PCDH11X: variants seen among roughly 807,000 people sequenced by gnomAD.
The protein encoded by PCDH11X is protocadherin 11 X-linked.
Under a neutral mutation model 53.3 loss-of-function variants are expected in PCDH11X, and 18 were observed. That is an observed-to-expected ratio of 0.34 (90% confidence interval 0.23 to 0.50). The LOEUF is 0.50. Among genes scored for constraint, PCDH11X ranks in the 20% least tolerant of loss-of-function variants. PCDH11X has a pLI of 0.98. For missense variants in PCDH11X, 570 were observed against 1,032.4 expected, an observed-to-expected ratio of 0.55 and a Z score of 6.14; for synonymous variants, 279 against 393.3, an observed-to-expected ratio of 0.71 and a Z score of 3.44.
chrX:92,000,467 T>C (rs2062490949), intron 6 of PCDH11X, among the ~76,000 whole-genome samples: 1 of 107,693 alleles, frequency 9.3e-6, no homozygotes, highest in South Asian at 4.2e-4. Context: ...TGAGTGTATA[T>C]ATCTATGGGG....
At chrX:92,034,296 T>A (rs1475986003) in intron 6 of PCDH11X, among the ~76,000 whole-genome samples, 1 of 111,331 alleles carries the variant, frequency 9.0e-6, no homozygotes, top group African/African-American at 3.3e-5. Context: ...AGTCAGATGT[T>A]TAATTTGCTG....
chrX:91,993,528 T>C (rs1391986727), intron 6 of PCDH11X, among the ~76,000 whole-genome samples: 1 of 111,888 alleles, frequency 8.9e-6, no homozygotes, highest in Non-Finnish European at 1.9e-5. Context: ...TCAATGAATA[T>C]TGTACATATT....
At chrX:92,516,360 C>G (rs1320209086) in intron 10 of PCDH11X, among the ~76,000 whole-genome samples, 1 of 112,275 alleles carries the variant, frequency 8.9e-6, no homozygotes, top group African/African-American at 3.2e-5. Context: ...GTGAAATGTA[C>G]TGGTGAACCC....
At chrX:92,064,910 GA>G (rs1406912818) in intron 6 of PCDH11X, among the ~76,000 whole-genome samples, 3 of 102,602 alleles carry the variant, frequency 2.9e-5, no homozygotes, top group Non-Finnish European at 5.8e-5. Flanking sequence ...GCTTTCAGAG[GA>G]AAGCATGGCC....
intron 10 of PCDH11X, among the ~76,000 whole-genome samples, chrX:92,552,610 C>T (rs1475985475): frequency 9.2e-6 from 1 of 109,227 alleles, no homozygotes; most frequent in African/African-American, 3.3e-5. Flanking sequence ...TTTCAAGTTT[C>T]AGGTGTTAGA....
chrX:92,612,330 C>T (rs1281363928), intron 10 of PCDH11X, among the ~76,000 whole-genome samples: 7 of 108,398 alleles, frequency 6.5e-5, no homozygotes, highest in Admixed American at 9.9e-5. Flanking sequence ...CAATCTTGGG[C>T]GATTGTGTGC....
chrX:92,340,357 T>C, intron 8 of PCDH11X, among the ~76,000 whole-genome samples: 1 of 111,910 alleles, frequency 8.9e-6, no homozygotes, highest in Non-Finnish European at 1.9e-5. Context: ...CAGTAGGGAC[T>C]CTGTGGGGGC....
At chrX:91,927,756 G>A (rs1465158709) in intron 6 of PCDH11X, among the ~76,000 whole-genome samples, 1 of 111,315 alleles carries the variant, frequency 9.0e-6, no homozygotes, top group Non-Finnish European at 1.9e-5. Context: ...AGAAGGCAAT[G>A]GCAGATAGGG....
In PCDH11X at chrX:92,555,893, G is replaced by GAGGTATAAT. The variant is rs997444306; in HGVS notation, c.3368-62370_3368-62362dup. On this transcript the variant is annotated intron_variant, in intron 10 of 10. Coordinates refer to ENST00000682573, the MANE Select transcript of PCDH11X (RefSeq NM_032968.5). ...AAAACTGGGTAATTTGTAAAGGTAAGAGGTATAATTGACTCACAATTTCAC... is the reference window on the plus strand; with the variant it reads ...AAAACTGGGTAATTTGTAAAGGTAAGAGGTATAATAGGTATAATTGACTCACAATTTCAC... Among the ~76,000 whole-genome samples, 5 of 111,700 alleles carry GAGGTATAAT rather than the reference G, an allele frequency of 4.5e-5. No homozygotes were observed. In the East Asian group the frequency reaches 8.5e-4, roughly 19 times the overall value.
intron 6 of PCDH11X, among the ~76,000 whole-genome samples, chrX:92,024,802 T>C (rs1196723969): frequency 3.0e-5 from 3 of 100,785 alleles, no homozygotes; most frequent in Admixed American, 2.2e-4. Context: ...AAGGCTACAA[T>C]AAGCAAAACT....
At chrX:92,578,192 A>T (rs1217032923) in intron 10 of PCDH11X, among the ~76,000 whole-genome samples, 1 of 94,318 alleles carries the variant, frequency 1.1e-5, no homozygotes, top group African/African-American at 4.1e-5. Context: ...GGGGAACATC[A>T]CACACTGAGG....
chrX:92,258,101 G>A (rs1313332442), intron 7 of PCDH11X, among the ~76,000 whole-genome samples: 2 of 111,519 alleles, frequency 1.8e-5, no homozygotes, highest in African/African-American at 6.5e-5. Flanking sequence ...AAACCATGAA[G>A]GTTTATGTCT....
At chrX:92,481,236 G>A (rs1001432435) in intron 10 of PCDH11X, among the ~76,000 whole-genome samples, 33 of 109,010 alleles carry the variant, frequency 3.0e-4, no homozygotes, top group Admixed American at 2.6e-3. Flanking sequence ...ACAGTGGGGA[G>A]AGAGGAGGTG....
At chrX:92,228,543 C>A (rs1352757856) in intron 7 of PCDH11X, among the ~76,000 whole-genome samples, 1 of 111,354 alleles carries the variant, frequency 9.0e-6, no homozygotes, top group Non-Finnish European at 1.9e-5. Context: ...GGGTTTCAAT[C>A]TTAGTTTAGT....
chrX:92,254,886 T>C, intron 7 of PCDH11X, among the ~76,000 whole-genome samples: 1 of 106,063 alleles, frequency 9.4e-6, no homozygotes, highest in African/African-American at 3.4e-5. Context: ...TTTTCCTTCA[T>C]TTCAACTTTG....
At chrX:92,512,873 T>C (rs1248515903) in intron 10 of PCDH11X, among the ~76,000 whole-genome samples, 1 of 111,263 alleles carries the variant, frequency 9.0e-6, no homozygotes, top group Non-Finnish European at 1.9e-5. Context: ...TACTTAATTA[T>C]GCCTCAGTTT....
chrX:91,879,200 A>T lies in PCDH11X; in HGVS notation c.2960A>T (p.Asp987Val), dbSNP rs1196579580. ...TCCAAGTGTTCCTCAAGCAGTTCAG[A>T]TCCCTACAGCGTTTCTGACTGTGGC... ...SISKCSSSSS[D>V]PYSVSDCGYP... Residue 987 changes from aspartate (D) to valine (V), a missense_variant, in exon 6 of 11, where the codon GAT becomes GTT. Coordinates refer to ENST00000682573, the MANE Select transcript of PCDH11X (RefSeq NM_032968.5). 1 of 1,209,967 alleles carries T rather than the reference A, an allele frequency of 8.3e-7. No individual in the cohort carries two copies. Among genetic ancestry groups the T allele is most frequent in the African/African-American group, 1.7e-5 (1 of 57,166 alleles).
chrX:92,593,010 C>T (rs974688538), intron 10 of PCDH11X, among the ~76,000 whole-genome samples: 7 of 110,259 alleles, frequency 6.3e-5, no homozygotes, highest in South Asian at 3.9e-4. Context: ...GAATAATAAG[C>T]GCTTAGATCA....
At chrX:91,803,843 C>T (rs1936014424) in intron 1 of PCDH11X, among the ~76,000 whole-genome samples, 1 of 111,452 alleles carries the variant, frequency 9.0e-6, no homozygotes, top group African/African-American at 3.3e-5. Flanking sequence ...TAGTAATTTG[C>T]AGAAACATGG....
Sources: gnomAD v4.1 joint callset for allele counts (sites outside exome capture counted in the v4.1 genomes callset) on GRCh38, gnomAD v4.1.1 for gene constraint, MANE v1.5 for transcripts, NCBI Gene and HGNC (gene_info 2026-07-23, HGNC 2026-07-21) for gene names.